INPP4B: variants seen among roughly 807,000 people sequenced by gnomAD.
The protein encoded by INPP4B is inositol polyphosphate-4-phosphatase type II B, also known as inositol polyphosphate 4-phosphatase type II.
In INPP4B, 55 loss-of-function variants were observed where a neutral mutation model predicts 122.5. The observed-to-expected ratio is 0.45, with a 90% CI of 0.36 to 0.56. The LOEUF is 0.56. INPP4B is among the 20% of genes least tolerant of loss of function. The probability of loss-of-function intolerance (pLI) is 0.00; values close to 1 mark genes in which losing one functional copy is unlikely to be tolerated. For missense variants in INPP4B, 1,000 were observed against 1,097.7 expected (o/e 0.91, Z 1.26); for synonymous variants, 403 against 388.7 (o/e 1.04, Z -0.43).
chr4:142,092,172 G>A (rs1297918839), intron 23 of INPP4B, among the ~76,000 whole-genome samples: 1 of 152,192 alleles, frequency 6.6e-6, no homozygotes, highest in African/African-American at 2.4e-5. Context: ...TAGCCCTTTG[G>A]TTGAGTGTGG....
At chr4:142,831,764 G>A (rs1782165016) in intron 1 of INPP4B, among the ~76,000 whole-genome samples, 1 of 152,154 alleles carries the variant, frequency 6.6e-6, no homozygotes, top group Non-Finnish European at 1.5e-5. Flanking sequence ...TGCAATGTTA[G>A]TTCACAACAG....
intron 23 of INPP4B, among the ~76,000 whole-genome samples, chr4:142,090,895 A>G (rs1779220103): frequency 6.6e-6 from 1 of 152,220 alleles, no homozygotes; most frequent in South Asian, 2.1e-4. Flanking sequence ...ATGTGTCAAC[A>G]TGGATATATC....
intron 3 of INPP4B, among the ~76,000 whole-genome samples, chr4:142,441,816 CTTT>C (rs34592495): frequency 1.8e-4 from 25 of 142,096 alleles, no homozygotes; most frequent in Middle Eastern, 3.7e-3. Context: ...TAAGAAATAG[CTTT>C]TTTTTTTTTT....
At chr4:142,029,122 T>TTAAG (rs1317857579) in intron 25 of INPP4B, 1 of 1,282,186 alleles carries the variant, frequency 7.8e-7, no homozygotes, top group African/African-American at 1.5e-5. Flanking sequence ...AAGAGATGAC[T>TTAAG]TAAGTCTCTT....
intron 1 of INPP4B, among the ~76,000 whole-genome samples, chr4:142,781,885 A>T (rs541437572): frequency 6.6e-6 from 1 of 152,126 alleles, no homozygotes; most frequent in African/African-American, 2.4e-5. Flanking sequence ...GAATTACTAC[A>T]GAAAGTCCAT....
intron 7 of INPP4B, among the ~76,000 whole-genome samples, chr4:142,387,407 A>G (rs905935041): frequency 6.6e-6 from 1 of 151,976 alleles, no homozygotes; most frequent in African/African-American, 2.4e-5. Flanking sequence ...GTCTTACAGA[A>G]AGGGTAAAAT....
rs1212272713 is a variant in INPP4B at position 142,431,333 on chromosome 4, T to C, written c.-74A>G. 2 of 1,008,216 alleles carry C rather than the reference T, an allele frequency of 2.0e-6. No homozygotes were observed. Among genetic ancestry groups the C allele is most frequent in the African/African-American group, 1.6e-5 (1 of 63,022 alleles). 62.5% of individuals were successfully genotyped at this position (1,008,216 alleles called of 1,614,324 possible). On this transcript the variant is annotated 5_prime_UTR_variant, in exon 4 of 26. Transcript: ENST00000262992. ...TCAGTTCTAGTGATTCCTGGTTTAATGTAGATGTATCTTCACACTAAAGAT... is the reference window on the plus strand; with the variant it reads ...TCAGTTCTAGTGATTCCTGGTTTAACGTAGATGTATCTTCACACTAAAGAT...
intron 9 of INPP4B, among the ~76,000 whole-genome samples, chr4:142,299,965 G>A (rs146925714): frequency 2.4e-4 from 36 of 152,034 alleles, no homozygotes; most frequent in African/African-American, 6.5e-4. Context: ...TCATAGACAC[G>A]ATTTAACAAA....
rs1737282346 is a variant in INPP4B, at chr4:142,027,243, A to G, written c.*1539T>C. The stretch of plus-strand genomic sequence containing the variant: ...CTAGTATAAAAAGCTCCAAATGCTT[A>G]TCTAAAATTTGTAGTAATTTGAAAA... On this transcript the variant is annotated 3_prime_UTR_variant, in exon 26 of 26. Transcript: ENST00000262992. The G allele has an allele frequency of 6.6e-6, 1 of 152,184 alleles. No individual in the cohort carries two copies. Among genetic ancestry groups the G allele is most frequent in the African/African-American group, 2.4e-5 (1 of 41,462 alleles). The allele number at this position is 152,184 out of a possible 1,614,324, so 9.4% of individuals were successfully genotyped here.
chr4:142,220,972 T>A (rs1028834969), intron 12 of INPP4B, among the ~76,000 whole-genome samples: 3 of 152,094 alleles, frequency 2.0e-5, no homozygotes, highest in Admixed American at 2.0e-4. Context: ...AGACCCTGTC[T>A]CCAATATAGT....
At chr4:142,094,131 T>A (rs2152573306) in intron 23 of INPP4B, among the ~76,000 whole-genome samples, 1 of 152,268 alleles carries the variant, frequency 6.6e-6, no homozygotes, top group Non-Finnish European at 1.5e-5. Flanking sequence ...CTAAAGATGA[T>A]TTGTTAAATG....
chr4:142,617,824 GA>G (rs1219014027), intron 2 of INPP4B, among the ~76,000 whole-genome samples: 1 of 152,098 alleles, frequency 6.6e-6, no homozygotes, highest in African/African-American at 2.4e-5. Flanking sequence ...TGCCAAGCTG[GA>G]TTGAATTAAC....
At chr4:142,107,100 A>C (rs2152681915) in intron 23 of INPP4B, among the ~76,000 whole-genome samples, 1 of 152,312 alleles carries the variant, frequency 6.6e-6, no homozygotes, top group South Asian at 2.1e-4. Context: ...TTTGGCAAAA[A>C]ATAATATTTG....
intron 14 of INPP4B, among the ~76,000 whole-genome samples, chr4:142,198,504 C>T (rs752969153): frequency 2.6e-5 from 4 of 151,262 alleles, no homozygotes; most frequent in Non-Finnish European, 5.9e-5. Context: ...TCTTTTCCAG[C>T]GTTCTCCCAT....
At chr4:142,802,522 T>C (rs887043562) in intron 1 of INPP4B, among the ~76,000 whole-genome samples, 3 of 152,162 alleles carry the variant, frequency 2.0e-5, no homozygotes, top group Non-Finnish European at 4.4e-5. Flanking sequence ...CCCTATCCAC[T>C]CACTTGTTAT....
rs34768563 is a variant in INPP4B, at chr4:142,808,103, T to TACACAC, written c.-254+38100_-254+38105dup. Among the ~76,000 whole-genome samples the TACACAC allele has an allele frequency of 8.2e-3, 1,227 of 149,486 alleles. 12 individuals carry two copies. Among genetic ancestry groups the TACACAC allele is most frequent in the African/African-American group, 0.025 (1,034 of 40,840 alleles). On this transcript the variant is annotated intron_variant, in intron 1 of 25. Coordinates refer to ENST00000262992, the MANE Select transcript of INPP4B (RefSeq NM_001101669.3). ...TTATTCATTGACCTTCATGATAAAA[T>TACACAC]ACACACACACACACACACACACGAA...
intron 25 of INPP4B, among the ~76,000 whole-genome samples, chr4:142,039,937 G>C (rs1746283307): frequency 8.1e-6 from 1 of 123,500 alleles, no homozygotes; most frequent in Non-Finnish European, 1.6e-5. Context: ...TAAAATGTGT[G>C]CCCAAGGGAA....
intron 2 of INPP4B, among the ~76,000 whole-genome samples, chr4:142,698,983 T>A (rs2150750243): frequency 6.6e-6 from 1 of 152,200 alleles, no homozygotes; most frequent in East Asian, 1.9e-4. Context: ...TGTTCAAGAC[T>A]CCCTCAGCAG....
At chr4:142,204,697 C>T (rs548665302) in intron 14 of INPP4B, among the ~76,000 whole-genome samples, 3 of 152,078 alleles carry the variant, frequency 2.0e-5, no homozygotes, top group Non-Finnish European at 4.4e-5. Context: ...AACAGACATA[C>T]ATAGAGGGCA....
Sources: allele counts gnomAD v4.1 joint callset (sites outside exome capture counted in the v4.1 genomes callset), GRCh38; gene constraint gnomAD v4.1.1; transcripts MANE v1.5; gene names NCBI Gene and HGNC (gene_info 2026-07-23, HGNC 2026-07-21).